Variants in UNC13C observed in about 807,000 individuals in gnomAD.
UNC13C encodes unc-13 homolog C.
Under a neutral mutation model 245.4 loss-of-function variants are expected in UNC13C, and 174 were observed. The ratio of observed to expected loss-of-function variants is 0.71; its 90% CI spans 0.63 to 0.80. The LOEUF is 0.80. UNC13C is among the 30% of genes least tolerant of loss of function. The pLI is 0.00. For missense variants in UNC13C, 2,829 were observed against 2,602.9 expected, an observed-to-expected ratio of 1.09 and a Z score of -1.89; for synonymous variants, 992 against 895.1, an observed-to-expected ratio of 1.11 and a Z score of -1.93.
rs1413348636 is a variant in UNC13C, at chr15:54,014,738, G to A, written c.1835G>A (p.Gly612Asp). The change falls in exon 2 of 33, where the codon GGT becomes GAT. Residue 612 changes from glycine (G) to aspartate (D), a missense_variant. Transcript: ENST00000260323. Reference sequence around the variant, plus strand: ...CAGCATTTGAATGGAGGTGTTCAGGGTATCCAAGGGCAGACTGAAACTGAA... The same window carrying A: ...CAGCATTTGAATGGAGGTGTTCAGGATATCCAAGGGCAGACTGAAACTGAA... ...KDQHLNGGVQ[G>D]IQGQTETENT... 6.2e-7 allele frequency: 1 copy of A among 1,613,866 alleles called. No individual in the cohort carries two copies. The highest frequency in any genetic ancestry group is 1.1e-5 in the South Asian group (1 of 91,080).
intron 4 of UNC13C, among the ~76,000 whole-genome samples, chr15:54,215,515 GT>G (rs1283818569): frequency 1.3e-5 from 2 of 151,934 alleles, no homozygotes; most frequent in African/African-American, 4.8e-5. Flanking sequence ...AGGAACAAAG[GT>G]TTGAAAGAAA....
At chr15:54,019,480 G>C (rs928458286) in intron 2 of UNC13C, among the ~76,000 whole-genome samples, 1 of 152,176 alleles carries the variant, frequency 6.6e-6, no homozygotes. Context: ...TATAAATCAA[G>C]ATTTGTAGAG....
At chr15:54,150,447 G>T (rs966279497) in intron 4 of UNC13C, among the ~76,000 whole-genome samples, 1 of 152,204 alleles carries the variant, frequency 6.6e-6, no homozygotes, top group Non-Finnish European at 1.5e-5. Flanking sequence ...TCCTCACGCA[G>T]AGCAAGCACA....
chr15:53,875,139 C>A, the UNC13C span, among the ~76,000 whole-genome samples: 1 of 152,120 alleles, frequency 6.6e-6, no homozygotes, highest in Non-Finnish European at 1.5e-5. Context: ...TCCCCCACAT[C>A]TATTTTAAGT....
the UNC13C span, among the ~76,000 whole-genome samples, chr15:53,923,994 G>A: frequency 6.6e-6 from 1 of 152,156 alleles, no homozygotes; most frequent in African/African-American, 2.4e-5. Flanking sequence ...ATCACCTGAG[G>A]TCGGGAGTTC....
At chr15:53,871,938 T>C in the UNC13C span, among the ~76,000 whole-genome samples, 1 of 152,336 alleles carries the variant, frequency 6.6e-6, no homozygotes, top group Non-Finnish European at 1.5e-5. Flanking sequence ...CCTCTGCTGC[T>C]AGTTTCTACA....
At chr15:53,893,160 T>A in the UNC13C span, among the ~76,000 whole-genome samples, 1 of 152,184 alleles carries the variant, frequency 6.6e-6, no homozygotes, top group Admixed American at 6.5e-5. Context: ...CAGACCCTGT[T>A]TGCCTGGATA....
At chr15:54,396,355 C>G (rs1401617721) in intron 18 of UNC13C, among the ~76,000 whole-genome samples, 1 of 151,668 alleles carries the variant, frequency 6.6e-6, no homozygotes, top group African/African-American at 2.4e-5. Flanking sequence ...CATAAATTCT[C>G]TCCATTCTTT....
chr15:53,956,875 A>AGTGTGTGTGT, the UNC13C span, among the ~76,000 whole-genome samples: 25,902 of 139,564 alleles, frequency 0.19, 2,751 homozygotes, highest in Middle Eastern at 0.24. Flanking sequence ...GTTAAGCTCA[A>AGTGTGTGTGT]GTGTGTGTGT....
At chr15:54,175,515 T>TTC (rs1463217594) in intron 4 of UNC13C, among the ~76,000 whole-genome samples, 1 of 145,744 alleles carries the variant, frequency 6.9e-6, no homozygotes, top group Admixed American at 6.8e-5. Flanking sequence ...AGAATTTTTT[T>TTC]TTTTTTTTTT....
intron 9 of UNC13C, among the ~76,000 whole-genome samples, chr15:54,264,743 G>A (rs533395730): frequency 2.0e-5 from 3 of 151,834 alleles, no homozygotes; most frequent in South Asian, 2.1e-4. Context: ...TGAGAAAAGC[G>A]ATGTTATTTT....
chr15:54,222,957 G>C (rs1406419706), intron 4 of UNC13C, among the ~76,000 whole-genome samples: 1 of 151,636 alleles, frequency 6.6e-6, no homozygotes, highest in Non-Finnish European at 1.5e-5. Flanking sequence ...TTTTTCTATA[G>C]AGTTGTTTGG....
intron 1 of UNC13C, among the ~76,000 whole-genome samples, chr15:54,007,469 A>T (rs553997087): frequency 2.6e-3 from 402 of 152,264 alleles, no homozygotes; most frequent in African/African-American, 9.2e-3. Flanking sequence ...AGGGACATGG[A>T]TGAAGGTGGA....
At chr15:53,842,400 C>G in the UNC13C span, among the ~76,000 whole-genome samples, 2 of 152,144 alleles carry the variant, frequency 1.3e-5, no homozygotes, top group Non-Finnish European at 2.9e-5. Flanking sequence ...CTACTATTCT[C>G]AATTCATGAT....
intron 2 of UNC13C, among the ~76,000 whole-genome samples, chr15:54,042,662 G>A (rs948390649): frequency 6.6e-6 from 1 of 152,084 alleles, no homozygotes; most frequent in African/African-American, 2.4e-5. Context: ...GACCATCCTG[G>A]CTAACAGGGT....
chr15:53,994,146 T>A (rs75972005), intron 1 of UNC13C, among the ~76,000 whole-genome samples: 2,296 of 147,466 alleles, frequency 0.016, 78 homozygotes, highest in African/African-American at 0.056. Context: ...GTTTTAGTTT[T>A]AAACAGAAGA....
chr15:54,032,448 G>A (rs1046712258), intron 2 of UNC13C, among the ~76,000 whole-genome samples: 1 of 152,150 alleles, frequency 6.6e-6, no homozygotes, highest in Non-Finnish European at 1.5e-5. Flanking sequence ...GATTGCTCAG[G>A]TTTGAAATTC....
intron 30 of UNC13C, among the ~76,000 whole-genome samples, chr15:54,589,697 TCTGGATATTAGTC>T (rs1468892264): frequency 4.6e-5 from 6 of 130,942 alleles, no homozygotes; most frequent in African/African-American, 2.7e-4. Flanking sequence ...TGTTGTAGAT[TCTGGATATTAGTC>T]CTTTGTCAGA....
chr15:54,614,937 T>G (rs1900332016), intron 30 of UNC13C, among the ~76,000 whole-genome samples: 1 of 152,110 alleles, frequency 6.6e-6, no homozygotes, highest in South Asian at 2.1e-4. Flanking sequence ...AGAGAGAAGC[T>G]ATCTCCAGTG....
Sources: gnomAD v4.1 joint callset for allele counts (sites outside exome capture counted in the v4.1 genomes callset) on GRCh38, gnomAD v4.1.1 for gene constraint, MANE v1.5 for transcripts, NCBI Gene and HGNC (gene_info 2026-07-23, HGNC 2026-07-21) for gene names.